Variants in CNTN4 observed in about 807,000 individuals in gnomAD.
The protein encoded by CNTN4 is contactin-4.
Under a neutral mutation model 122.5 loss-of-function variants are expected in CNTN4, and 77 were observed. The observed-to-expected ratio is 0.63, with a 90% confidence interval of 0.52 to 0.76. CNTN4 has a LOEUF of 0.76. CNTN4 is among the 30% of genes least tolerant of loss of function. The pLI is 0.00. For synonymous variants in CNTN4, 512 were observed against 447.0 expected, an observed-to-expected ratio of 1.15 and a Z score of -1.83; for missense variants, 1,256 against 1,259.1, an observed-to-expected ratio of 1.00 and a Z score of 0.04.
At chr3:2,170,330 A>C (rs1290152674) in intron 2 of CNTN4, among the ~76,000 whole-genome samples, 1 of 148,746 alleles carries the variant, frequency 6.7e-6, no homozygotes. Flanking sequence ...AAAACAAAAA[A>C]ACAACAACAA....
At chr3:2,758,507 C>T (rs985711962) in intron 6 of CNTN4, among the ~76,000 whole-genome samples, 1 of 146,868 alleles carries the variant, frequency 6.8e-6, no homozygotes, top group Non-Finnish European at 1.5e-5. Flanking sequence ...CTCTTACTTT[C>T]AACACCATAC....
chr3:2,564,629 A>G (rs2079082683), intron 3 of CNTN4, among the ~76,000 whole-genome samples: 2 of 152,106 alleles, frequency 1.3e-5, no homozygotes, highest in Non-Finnish European at 2.9e-5. Flanking sequence ...CAGCAAGCAA[A>G]TAACAGCACT....
intron 7 of CNTN4, among the ~76,000 whole-genome samples, chr3:2,843,242 G>A (rs1246781416): frequency 5.3e-5 from 8 of 152,090 alleles, no homozygotes. Context: ...TTGGGTGATA[G>A]TCTTTATTTA....
chr3:2,247,729 A>G (rs559214220), intron 2 of CNTN4, among the ~76,000 whole-genome samples: 2 of 152,128 alleles, frequency 1.3e-5, no homozygotes, highest in East Asian at 1.9e-4. Context: ...TTACAGTGTC[A>G]TTATGAGTTA....
rs1301854107 is a variant in CNTN4, at chr3:2,804,069, A to G, written c.359-15417A>G. ...GATATATATATATATATGTCTGCAC[A>G]CACACACACACACACACACACACAC... is the stretch of plus-strand genomic sequence containing the variant. On this transcript the variant is annotated intron_variant, in intron 6 of 24. Coordinates refer to ENST00000418658, the MANE Select transcript of CNTN4 (RefSeq NM_175607.3). 1.4e-3 allele frequency among the ~76,000 whole-genome samples: 91 copies of G among 66,612 alleles called. No homozygotes were observed. The South Asian group carries it at 0.02, about 14-fold the overall frequency. The allele number at this position is 66,612 out of a possible 152,430, so 43.7% of individuals were successfully genotyped here. A position where few individuals can be genotyped will look rare whatever the true frequency, so the allele number is the denominator to read the frequency against.
intron 3 of CNTN4, among the ~76,000 whole-genome samples, chr3:2,535,485 A>C (rs971647743): frequency 4.6e-5 from 7 of 152,134 alleles, no homozygotes; most frequent in Non-Finnish European, 8.8e-5. Context: ...CATGTGAGGT[A>C]GGTAGCTGTT....
intron 3 of CNTN4, among the ~76,000 whole-genome samples, chr3:2,493,353 G>A (rs895327210): frequency 7.2e-5 from 11 of 151,732 alleles, no homozygotes; most frequent in Admixed American, 2.0e-4. Flanking sequence ...CCATTCCTCC[G>A]GACATAAGGT....
intron 10 of CNTN4, among the ~76,000 whole-genome samples, chr3:2,895,979 G>A (rs1396636182): frequency 6.6e-6 from 1 of 152,110 alleles, no homozygotes; most frequent in East Asian, 1.9e-4. Context: ...TTTGCAGCGA[G>A]CCAAGATGGC....
intron 4 of CNTN4, among the ~76,000 whole-genome samples, chr3:2,627,534 C>T (rs538263458): frequency 6.8e-5 from 10 of 147,184 alleles, no homozygotes; most frequent in East Asian, 2.0e-4. Context: ...CACTCTGTCG[C>T]CCAGGCTGGA....
At chr3:2,429,156 C>G (rs982823896) in intron 3 of CNTN4, among the ~76,000 whole-genome samples, 1 of 152,218 alleles carries the variant, frequency 6.6e-6, no homozygotes, top group Non-Finnish European at 1.5e-5. Flanking sequence ...CAAAGAGGCC[C>G]TCTGATTTTT....
intron 3 of CNTN4, among the ~76,000 whole-genome samples, chr3:2,441,552 A>G (rs1469347677): frequency 6.6e-6 from 1 of 152,212 alleles, no homozygotes; most frequent in Non-Finnish European, 1.5e-5. Flanking sequence ...GTAGCAGGTA[A>G]TAAATAAGGT....
chr3:2,327,263 C>T (rs1559455795), intron 2 of CNTN4, among the ~76,000 whole-genome samples: 1 of 151,934 alleles, frequency 6.6e-6, no homozygotes, highest in Non-Finnish European at 1.5e-5. Context: ...CATGGATTTC[C>T]AAATTGATGG....
At chr3:2,208,164 A>G (rs1456317436) in intron 2 of CNTN4, among the ~76,000 whole-genome samples, 3 of 152,178 alleles carry the variant, frequency 2.0e-5, no homozygotes, top group Non-Finnish European at 4.4e-5. Context: ...GGATTTGGGC[A>G]AAGTAAATTT....
intron 3 of CNTN4, among the ~76,000 whole-genome samples, chr3:2,459,343 A>G (rs1218665320): frequency 6.6e-6 from 1 of 152,130 alleles, no homozygotes; most frequent in African/African-American, 2.4e-5. Flanking sequence ...ATGTGGACAC[A>G]TGCCATGATA....
intron 17 of CNTN4, among the ~76,000 whole-genome samples, chr3:3,036,551 C>T (rs1699621686): frequency 6.6e-6 from 1 of 151,864 alleles, no homozygotes; most frequent in Non-Finnish European, 1.5e-5. Context: ...TCGCTTGAGC[C>T]CAGGAGTTTG....
At chr3:2,710,400 A>G (rs904773211) in intron 4 of CNTN4, among the ~76,000 whole-genome samples, 1 of 152,184 alleles carries the variant, frequency 6.6e-6, no homozygotes, top group African/African-American at 2.4e-5. Context: ...CTTTTGTTGT[A>G]TTTTAATAGT....
At chr3:2,529,727 G>A (rs1261465649) in intron 3 of CNTN4, among the ~76,000 whole-genome samples, 1 of 152,040 alleles carries the variant, frequency 6.6e-6, no homozygotes, top group Non-Finnish European at 1.5e-5. Context: ...TGCCTTGATC[G>A]TCTTTACTCT....
chr3:2,271,070 G>T (rs2041274929), intron 2 of CNTN4, among the ~76,000 whole-genome samples: 1 of 152,060 alleles, frequency 6.6e-6, no homozygotes, highest in Non-Finnish European at 1.5e-5. Flanking sequence ...GAATATAGAT[G>T]GTAGAAAACG....
intron 2 of CNTN4, among the ~76,000 whole-genome samples, chr3:2,125,856 T>A (rs941297320): frequency 6.6e-6 from 1 of 151,574 alleles, no homozygotes; most frequent in Non-Finnish European, 1.5e-5. Context: ...GCACCAGGCC[T>A]TCTATGAAGA....
Sources: allele counts gnomAD v4.1 joint callset (sites outside exome capture counted in the v4.1 genomes callset), GRCh38; gene constraint gnomAD v4.1.1; transcripts MANE v1.5; gene names NCBI Gene and HGNC (gene_info 2026-07-23, HGNC 2026-07-21).